The following CERKL variants were observed in gnomAD, a reference collection of about 807,000 sequenced individuals.
CERKL encodes the protein CERK like autophagy regulator.
A neutral mutation model predicts 63.4 loss-of-function variants in CERKL; 61 were observed. The observed-to-expected ratio is 0.96, with a 90% CI of 0.78 to 1.19. The LOEUF is 1.19. Among genes scored for constraint, CERKL ranks in the 50% most tolerant of loss-of-function variants. CERKL has a pLI of 0.00. For synonymous variants in CERKL, 250 were observed against 230.5 expected (o/e 1.08, Z -0.77); for missense variants, 675 against 655.5 (o/e 1.03, Z -0.33).
At chr2:181,549,496 G>GT (rs1186175472) in intron 6 of CERKL, 138 bp downstream of exon 6, 1 of 700,428 alleles carries the variant, frequency 1.4e-6, no homozygotes, top group African/African-American at 1.8e-5. Context: ...TTGCCTTTTG[G>GT]TTTTTTAGTC....
chr2:181,547,914 CA>C, intron 8 of CERKL, 67 bp from the exon 9 acceptor site: 1 of 1,441,758 alleles, frequency 6.9e-7, no homozygotes, highest in Non-Finnish European at 9.7e-7. Flanking sequence ...CAGACACACA[CA>C]AATCTATTAA....
At chr2:181,609,532 C>CT (rs1685868179) in intron 1 of CERKL, among the ~76,000 whole-genome samples, 1 of 16,328 alleles carries the variant, frequency 6.1e-5, no homozygotes, top group Non-Finnish European at 9.4e-5. Context: ...CCTGTCTCTA[C>CT]TAAAAAAAAA....
At chr2:181,653,709 T>C (rs940988142) in intron 1 of CERKL, among the ~76,000 whole-genome samples, 2 of 152,112 alleles carry the variant, frequency 1.3e-5, no homozygotes, top group South Asian at 2.1e-4. Flanking sequence ...AAGGTTGATA[T>C]AGATAAGGCA....
At chr2:181,652,704 C>T (rs1290039201) in intron 1 of CERKL, among the ~76,000 whole-genome samples, 1 of 151,436 alleles carries the variant, frequency 6.6e-6, no homozygotes, top group Non-Finnish European at 1.5e-5. Flanking sequence ...AAAATATTTG[C>T]AATCTATACA....
intron 1 of CERKL, among the ~76,000 whole-genome samples, chr2:181,606,200 A>C (rs1368895087): frequency 7.7e-6 from 1 of 130,556 alleles, no homozygotes; most frequent in African/African-American, 3.4e-5. Flanking sequence ...AAGGAAAGAA[A>C]GGAAAAGAAA....
At chr2:181,633,239 G>C (rs964613305) in intron 1 of CERKL, among the ~76,000 whole-genome samples, 1 of 152,180 alleles carries the variant, frequency 6.6e-6, no homozygotes. Context: ...GGGGACAGAA[G>C]GTTGTCCTAA....
chr2:181,620,646 A>G (rs1021213330), intron 1 of CERKL, among the ~76,000 whole-genome samples: 31 of 152,218 alleles, frequency 2.0e-4, no homozygotes, highest in African/African-American at 7.0e-4. Context: ...CAGTGGTCCT[A>G]GGACCAGGAA....
intron 11 of CERKL, among the ~76,000 whole-genome samples, chr2:181,540,772 G>A (rs1687469212): frequency 6.6e-6 from 1 of 152,178 alleles, no homozygotes; most frequent in African/African-American, 2.4e-5. Context: ...GTGAGGGTAT[G>A]TTTGGGGCAC....
intron 4 of CERKL, among the ~76,000 whole-genome samples, chr2:181,560,132 G>T (rs1255395886): frequency 6.6e-6 from 1 of 152,006 alleles, no homozygotes; most frequent in African/African-American, 2.4e-5. Flanking sequence ...AAAAAACCAA[G>T]GTTTGACTTG....
chr2:181,622,740 A>G (rs2105919571), intron 1 of CERKL, among the ~76,000 whole-genome samples: 1 of 152,338 alleles, frequency 6.6e-6, no homozygotes, highest in South Asian at 2.1e-4. Flanking sequence ...TTCAAATGTC[A>G]CCCTGAAAAA....
At chr2:181,565,008 G>T (rs10490687) in intron 4 of CERKL, among the ~76,000 whole-genome samples, 2 of 151,858 alleles carry the variant, frequency 1.3e-5, no homozygotes, top group Non-Finnish European at 2.9e-5. Flanking sequence ...GATTCCTTTT[G>T]GAAAAATCAT....
chr2:181,550,120 AAAT>A lies in CERKL; in HGVS notation c.821-415_821-413del, dbSNP rs1195378894. Among the ~76,000 whole-genome samples, 45 of 152,168 alleles carry A rather than the reference AAAT, an allele frequency of 3.0e-4. No homozygotes were observed. Among genetic ancestry groups the A allele is most frequent in the Non-Finnish European group, 5.0e-4 (34 of 68,034 alleles). ...CAAATGCATACATAAATAAAAGAGA[AAAT>A]AATCCAAATAATAACTCAGAAAAAT... On this transcript the variant is annotated intron_variant, in intron 5 of 12. Transcript: ENST00000410087. The surrounding 1 kb of genome is among the most constrained non-coding windows in gnomAD (Gnocchi z 4.5).
At chr2:181,544,609 T>A in intron 11 of CERKL, 91 bp downstream of exon 11, 1 of 730,704 alleles carries the variant, frequency 1.4e-6, no homozygotes, top group Non-Finnish European at 2.4e-6. Flanking sequence ...AAAACCTTCT[T>A]ATGAGGCAGG....
intron 4 of CERKL, among the ~76,000 whole-genome samples, chr2:181,562,252 C>T (rs1688480928): frequency 6.6e-6 from 1 of 152,180 alleles, no homozygotes; most frequent in Admixed American, 6.5e-5. Flanking sequence ...TTCCCACCAG[C>T]TCCATGATAT....
In CERKL at chr2:181,550,788, T is replaced by C. The variant is rs1443526294; in HGVS notation, c.821-1080A>G. Among the ~76,000 whole-genome samples, 1 of 152,160 alleles carries C rather than the reference T, an allele frequency of 6.6e-6. No homozygotes were observed. Among genetic ancestry groups the C allele is most frequent in the Non-Finnish European group, 1.5e-5 (1 of 68,026 alleles). On this transcript the variant is annotated intron_variant, in intron 5 of 12. Transcript: ENST00000410087. The surrounding 1 kb of genome is among the most constrained non-coding windows in gnomAD (Gnocchi z 4.5). Reference sequence around the variant, plus strand: ...ACCAAGAGGTCATTAATATCATAATTTTTTAGGTAACTAAGAATAAGCATA... The same window carrying C: ...ACCAAGAGGTCATTAATATCATAATCTTTTAGGTAACTAAGAATAAGCATA...
rs374655559 is a variant in CERKL, at chr2:181,656,770, C to A, written c.237G>T (p.Ala79=). The A allele has an allele frequency of 2.6e-5, 41 of 1,590,668 alleles. No individual in the cohort carries two copies. In the Admixed American group the frequency reaches 6.5e-4, roughly 25 times the overall value. ...RWRPIQPERP[A]GDSKYDLLCK... ...AGACGCTTGGGGCCGGGCACTCACC[C>A]GCCGGGCGCTCGGGCTGAATGGGCC... is the stretch of plus-strand genomic sequence containing the variant. The change falls in exon 1 of 13, where the codon GCG becomes GCT. Residue 79 remains alanine, a splice_region_variant and synonymous_variant. Coordinates refer to ENST00000410087, the MANE Select transcript of CERKL (RefSeq NM_201548.5).
intron 2 of CERKL, among the ~76,000 whole-genome samples, chr2:181,602,474 T>C (rs1165087619): frequency 6.6e-6 from 1 of 152,238 alleles, no homozygotes; most frequent in Non-Finnish European, 1.5e-5. Flanking sequence ...ATACATATTC[T>C]CTATGTTTCC....
chr2:181,572,240 T>A (rs1013742084), intron 3 of CERKL, among the ~76,000 whole-genome samples: 1 of 152,168 alleles, frequency 6.6e-6, no homozygotes, highest in Non-Finnish European at 1.5e-5. Context: ...GATCAAAATA[T>A]CACCTCTGAG....
At chr2:181,575,123 C>G (rs147159114) in intron 2 of CERKL, among the ~76,000 whole-genome samples, 1 of 152,182 alleles carries the variant, frequency 6.6e-6, no homozygotes, top group South Asian at 2.1e-4. Flanking sequence ...TGCCTTCTCC[C>G]TTCTCCCACT....
Sources: gnomAD v4.1 joint callset for allele counts (sites outside exome capture counted in the v4.1 genomes callset) on GRCh38, gnomAD v4.1.1 for gene constraint, Gnocchi (gnomAD v3.1) non-coding constraint, MANE v1.5 for transcripts, NCBI Gene and HGNC (gene_info 2026-07-23, HGNC 2026-07-21) for gene names.